The following STXBP5 variants were observed in gnomAD, a reference collection of about 807,000 sequenced individuals.
STXBP5 encodes the protein syntaxin binding protein 5.
In STXBP5, 50 loss-of-function variants were observed where a neutral mutation model predicts 152.4. The ratio of observed to expected loss-of-function variants is 0.33; its 90% CI spans 0.26 to 0.42. The LOEUF is 0.42. STXBP5 is among the 10% of genes least tolerant of loss of function. The pLI is 1.00. For missense variants in STXBP5, 1,167 were observed against 1,388.6 expected, an observed-to-expected ratio of 0.84 and a Z score of 2.54; for synonymous variants, 492 against 494.7, an observed-to-expected ratio of 0.99 and a Z score of 0.07.
At chr6:147,276,004 T>A (rs1445224461) in intron 7 of STXBP5, among the ~76,000 whole-genome samples, 1 of 152,200 alleles carries the variant, frequency 6.6e-6, no homozygotes. Context: ...TTATTCAGAT[T>A]TGCTCCTAAC....
Position 147,327,294 on chromosome 6 carries a change from G to C in STXBP5, c.2080+18G>C, listed in dbSNP as rs1251406366. ...TTCAGGAGGTAAAAAGAAAAGAAAA[G>C]AAAATTCTGAGCTTTAGGATTTCTA... On this transcript the variant is annotated intron_variant, in intron 18 of 27. Transcript: ENST00000321680. 3.1e-6 allele frequency: 5 copies of C among 1,594,920 alleles called. No individual in the cohort carries two copies. Among genetic ancestry groups the C allele is most frequent in the Non-Finnish European group, 4.3e-6 (5 of 1,175,150 alleles).
chr6:147,320,711 A>G (rs1782893546), intron 16 of STXBP5, among the ~76,000 whole-genome samples: 1 of 152,158 alleles, frequency 6.6e-6, no homozygotes, highest in Non-Finnish European at 1.5e-5. Flanking sequence ...CAAGTTATAC[A>G]TTTAAATTAC....
Position 147,204,493 on chromosome 6 carries a change from T to G in STXBP5, c.-40T>G, listed in dbSNP as rs1386594156. The stretch of plus-strand genomic sequence containing the variant: ...GTCTCCCCCGCCCGGGGACCCCCTG[T>G]GCCTCCCCTCCCGGGCTGCGGGGGA... On this transcript the variant is annotated 5_prime_UTR_variant, in exon 1 of 28. Transcript: ENST00000321680. The surrounding 1 kb of genome is among the most constrained non-coding windows in gnomAD (Gnocchi z 4.3). 6.2e-7 allele frequency: 1 copy of G among 1,604,504 alleles called. No homozygotes were observed. Among genetic ancestry groups the G allele is most frequent in the Admixed American group, 1.7e-5 (1 of 59,192 alleles).
intron 16 of STXBP5, among the ~76,000 whole-genome samples, chr6:147,322,119 A>G (rs1782967912): frequency 1.3e-5 from 2 of 152,134 alleles, no homozygotes; most frequent in South Asian, 4.1e-4. Flanking sequence ...TGTCGTGCAC[A>G]TTTAATATGC....
chr6:147,217,214 A>AG (rs1777214952), intron 2 of STXBP5, among the ~76,000 whole-genome samples: 1 of 152,172 alleles, frequency 6.6e-6, no homozygotes, highest in Non-Finnish European at 1.5e-5. Flanking sequence ...TCTTTTGAAA[A>AG]GGAAAAAAAA....
At chr6:147,377,102 C>T (rs1445655569) in intron 26 of STXBP5, among the ~76,000 whole-genome samples, 1 of 152,102 alleles carries the variant, frequency 6.6e-6, no homozygotes, top group Non-Finnish European at 1.5e-5. Context: ...TAATAATAAG[C>T]AGTTGTATCA....
At chr6:147,249,871 G>A (rs1291650272) in intron 4 of STXBP5, among the ~76,000 whole-genome samples, 1 of 152,174 alleles carries the variant, frequency 6.6e-6, no homozygotes, top group Non-Finnish European at 1.5e-5. Flanking sequence ...ATCTTTTCAA[G>A]AAACCAGAGC....
intron 26 of STXBP5, among the ~76,000 whole-genome samples, chr6:147,379,944 T>C (rs1355179799): frequency 6.6e-6 from 1 of 152,080 alleles, no homozygotes; most frequent in Non-Finnish European, 1.5e-5. Flanking sequence ...GTATAAGACA[T>C]GTACAATAAA....
chr6:147,336,935 A>G lies in STXBP5; in HGVS notation c.2147-2244A>G, dbSNP rs188069808. Among the ~76,000 whole-genome samples, 4 of 152,232 alleles carry G rather than the reference A, an allele frequency of 2.6e-5. No individual in the cohort carries two copies. In the East Asian group the frequency reaches 5.8e-4, roughly 22 times the overall value. Reference sequence around the variant, plus strand: ...TGTTTAGTTAATTAAAATCAAAGCTATCTTCAGAAATCATCATGAGAAAAA... The same window carrying G: ...TGTTTAGTTAATTAAAATCAAAGCTGTCTTCAGAAATCATCATGAGAAAAA... On this transcript the variant is annotated intron_variant, in intron 19 of 27. Coordinates refer to ENST00000321680, the MANE Select transcript of STXBP5 (RefSeq NM_001127715.4).
intron 6 of STXBP5, among the ~76,000 whole-genome samples, chr6:147,264,638 A>C (rs1192978637): frequency 1.3e-5 from 2 of 152,148 alleles, no homozygotes; most frequent in African/African-American, 4.8e-5. Flanking sequence ...GCTTTTTCAA[A>C]GAGAAAAATT....
chr6:147,326,481 C>G (rs1783263445), intron 17 of STXBP5, among the ~76,000 whole-genome samples: 1 of 152,192 alleles, frequency 6.6e-6, no homozygotes, highest in Non-Finnish European at 1.5e-5. Context: ...AGCTTTTCCT[C>G]ATTAGATGTG....
intron 4 of STXBP5, among the ~76,000 whole-genome samples, chr6:147,247,515 C>A (rs763250400): frequency 5.3e-5 from 8 of 152,064 alleles, no homozygotes; most frequent in Admixed American, 2.0e-4. Flanking sequence ...AAGAAAAATT[C>A]TCTTAATATT....
Position 147,327,252 on chromosome 6 carries a change from C to T in STXBP5, c.2056C>T (p.Arg686Cys), listed in dbSNP as rs1783311400. ...DPYRREPRSP[R>C]KSRQPSGAGL... ...TTATCGGAGAGAACCCCGATCTCCTCGTAAATCTCGACAGCCTTCAGGAGG... is the reference window on the plus strand; with the variant it reads ...TTATCGGAGAGAACCCCGATCTCCTTGTAAATCTCGACAGCCTTCAGGAGG... The change falls in exon 18 of 28, where the codon CGT becomes TGT. Residue 686 changes from arginine to cysteine, a missense_variant. Coordinates refer to ENST00000321680, the MANE Select transcript of STXBP5 (RefSeq NM_001127715.4). 6.2e-7 allele frequency: 1 copy of T among 1,612,040 alleles called. No individual in the cohort carries two copies. Among genetic ancestry groups the T allele is most frequent in the Non-Finnish European group, 8.5e-7 (1 of 1,179,450 alleles).
Position 147,302,517 on chromosome 6 carries a change from TA to T in STXBP5, c.918-7563del, listed in dbSNP as rs199621891. On this transcript the variant is annotated intron_variant, in intron 9 of 27. Transcript: ENST00000321680. ...AACACAAGCCAGGATGCAGGGACAT[TA>T]AAAGAAAGAAAAACAAGGCCAGGCA... is the stretch of plus-strand genomic sequence containing the variant. 8.2e-4 allele frequency among the ~76,000 whole-genome samples: 124 copies of T among 152,040 alleles called. 3 individuals carry two copies. In the East Asian group the frequency reaches 0.023, roughly 28 times the overall value.
At chr6:147,210,104 A>G (rs934064628) in intron 2 of STXBP5, among the ~76,000 whole-genome samples, 10 of 152,200 alleles carry the variant, frequency 6.6e-5, no homozygotes, top group African/African-American at 2.4e-4. Flanking sequence ...AAAATTATTA[A>G]TCCATATAGG....
At chr6:147,255,076 A>G (rs544794186) in intron 4 of STXBP5, among the ~76,000 whole-genome samples, 2 of 152,358 alleles carry the variant, frequency 1.3e-5, no homozygotes, top group African/African-American at 4.8e-5. Context: ...CCAAATGCCT[A>G]TCAGTGATAA....
chr6:147,284,798 A>C (rs914604977), intron 8 of STXBP5, among the ~76,000 whole-genome samples: 3 of 152,246 alleles, frequency 2.0e-5, no homozygotes, highest in Non-Finnish European at 4.4e-5. Context: ...AGAACCATGT[A>C]CAGAGGCAAG....
chr6:147,287,691 T>G (rs553005994), intron 8 of STXBP5, among the ~76,000 whole-genome samples: 73 of 152,340 alleles, frequency 4.8e-4, no homozygotes, highest in Non-Finnish European at 1.0e-3. Flanking sequence ...GGCATTCCCT[T>G]TGTTTTCATT....
At chr6:147,296,303 C>T (rs1281219968) in intron 9 of STXBP5, among the ~76,000 whole-genome samples, 2 of 152,104 alleles carry the variant, frequency 1.3e-5, no homozygotes, top group Non-Finnish European at 2.9e-5. Context: ...CAAGCCTAAA[C>T]CTGGCTAAGC....
Sources: allele counts gnomAD v4.1 joint callset (sites outside exome capture counted in the v4.1 genomes callset), GRCh38; gene constraint gnomAD v4.1.1; non-coding constraint Gnocchi (gnomAD v3.1); transcripts MANE v1.5; gene names NCBI Gene and HGNC (gene_info 2026-07-23, HGNC 2026-07-21).